Variants in TUBA8 observed in about 807,000 individuals in gnomAD.
TUBA8 encodes the protein tubulin alpha-8 chain.
In TUBA8, 29 loss-of-function variants were observed where a neutral mutation model predicts 34.7. That is an observed-to-expected ratio of 0.84 (90% CI 0.62 to 1.14). The LOEUF (loss-of-function observed/expected upper bound fraction) is 1.14, where lower values mean the gene tolerates loss of function less well. TUBA8 is among the 50% of genes most tolerant of loss of function. The probability of loss-of-function intolerance (pLI) is 0.00; values close to 1 mark genes in which losing one functional copy is unlikely to be tolerated. For synonymous variants in TUBA8, 226 were observed against 231.2 expected (o/e 0.98, Z 0.21); for missense variants, 541 against 599.2 (o/e 0.90, Z 1.01).
chr22:18,121,226 C>CTTTTTT lies in TUBA8; in HGVS notation c.4-252_4-247dup. ...TTGCTTCATCTTTGCAACCACCCTC[C>CTTTTTT]TTTTTTCTTTCCTGGTATAAAAGGT... On this transcript the variant is annotated intron_variant, in intron 1 of 4. Coordinates refer to ENST00000330423, the MANE Select transcript of TUBA8 (RefSeq NM_018943.3). This position sits in a 1 kb window ranked among gnomAD's most constrained non-coding sequence, Gnocchi z 4.8. 1 of 502,206 alleles carries CTTTTTT rather than the reference C, an allele frequency of 2.0e-6. No individual in the cohort carries two copies. The allele number at this position is 502,206 out of a possible 1,614,324, so 31.1% of individuals were successfully genotyped here. A position where few individuals can be genotyped will look rare whatever the true frequency, so the allele number is the denominator to read the frequency against.
chr22:18,111,015 C>A lies in TUBA8; in HGVS notation c.3+147C>A. ...GGTGGCAGTTCAGGGTCGAGGAGTC[C>A]GCACCCTCGGGCGGGAACACCCGGT... On this transcript the variant is annotated intron_variant, in intron 1 of 4. Coordinates refer to ENST00000330423, the MANE Select transcript of TUBA8 (RefSeq NM_018943.3). The surrounding 1 kb of genome is among the most constrained non-coding windows in gnomAD (Gnocchi z 5.1). The A allele has an allele frequency of 8.0e-7, 1 of 1,244,552 alleles. No homozygotes were observed. The highest frequency in any genetic ancestry group is 1.1e-6 in the Non-Finnish European group (1 of 889,476). 77.1% of individuals were successfully genotyped at this position (1,244,552 alleles called of 1,614,324 possible).
chr22:18,125,874 A>C (rs1928297996), intron 3 of TUBA8: 1 of 182,040 alleles, frequency 5.5e-6, no homozygotes, highest in Admixed American at 5.4e-5. Context: ...CCTATTAAAA[A>C]AAATAGAGAC....
At chr22:18,122,249 T>C (rs1928170701) in intron 2 of TUBA8, 1 of 155,732 alleles carries the variant, frequency 6.4e-6, no homozygotes, top group Non-Finnish European at 1.4e-5. Context: ...GTAGTGCCAC[T>C]TCCCCTGTTT....
At position 18,126,869 on chromosome 22, in the gene TUBA8, G is replaced by T. The variant is rs1569201053; in HGVS notation, c.891G>T (p.Glu297Asp). ...CCGAGATAACCAGCTCCTGCTTTGAGCCCAACAGCCAGATGGTGAAGTGCG... is the reference window on the plus strand; with the variant it reads ...CCGAGATAACCAGCTCCTGCTTTGATCCCAACAGCCAGATGGTGAAGTGCG... ...SVAEITSSCF[E>D]PNSQMVKCDP... is the part of the protein sequence containing the mutation. The change falls in exon 4 of 5, where the codon GAG becomes GAT. Residue 297 changes from glutamate to aspartate, a missense_variant. By Grantham distance (45) the Glu-to-Asp change is conservative. Transcript: ENST00000330423. The surrounding 1 kb of genome is among the most constrained non-coding windows in gnomAD (Gnocchi z 4.0). 6.2e-7 allele frequency: 1 copy of T among 1,611,918 alleles called. No individual in the cohort carries two copies.
At position 18,126,967 on chromosome 22, in the gene TUBA8, T is replaced by G. The variant is rs570863652; in HGVS notation, c.989T>G (p.Val330Gly). The change falls in exon 4 of 5, where the codon GTC becomes GGC. Residue 330 changes from valine (V) to glycine (G), a missense_variant. By Grantham distance (109) the Val-to-Gly change is moderately radical. Coordinates refer to ENST00000330423, the MANE Select transcript of TUBA8 (RefSeq NM_018943.3). This position sits in a 1 kb window ranked among gnomAD's most constrained non-coding sequence, Gnocchi z 4.0. ...RGDVVPKDVN[V>G]AIAAIKTKRT... ...GACGTGGTGCCCAAGGATGTGAATGTCGCTATTGCTGCCATCAAGACCAAG... is the reference window on the plus strand; with the variant it reads ...GACGTGGTGCCCAAGGATGTGAATGGCGCTATTGCTGCCATCAAGACCAAG... 3.1e-6 allele frequency: 5 copies of G among 1,613,664 alleles called. No homozygotes were observed. In the South Asian group the frequency reaches 5.5e-5, roughly 18 times the overall value.
At chr22:18,128,382 G>A (rs1265864645) in intron 4 of TUBA8, 1 of 152,110 alleles carries the variant, frequency 6.6e-6, no homozygotes, top group Non-Finnish European at 1.5e-5. Context: ...AATGCTGAAT[G>A]GTAGAAGTCA....
chr22:18,126,550 C>A lies in TUBA8; in HGVS notation c.572C>A (p.Thr191Asn). ...VVEPYNSILTTHTTLEHSDCA... is the reference protein window; with the variant it reads ...VVEPYNSILTNHTTLEHSDCA... Reference sequence around the variant, plus strand: ...GAGCCCTACAACTCCATCCTGACCACCCACACCACACTGGAACATTCAGAT... The same window carrying A: ...GAGCCCTACAACTCCATCCTGACCAACCACACCACACTGGAACATTCAGAT... Residue 191 changes from threonine (T) to asparagine (N), a missense_variant, in exon 4 of 5, where the codon ACC (threonine) becomes AAC (asparagine). Thr to Asn is a moderately conservative substitution (Grantham distance 65, BLOSUM62 0). Coordinates refer to ENST00000330423, the MANE Select transcript of TUBA8 (RefSeq NM_018943.3). The surrounding 1 kb of genome is among the most constrained non-coding windows in gnomAD (Gnocchi z 4.0). The A allele has an allele frequency of 1.2e-6, 2 of 1,614,170 alleles. No individual in the cohort carries two copies. The highest frequency in any genetic ancestry group is 2.2e-5 in the South Asian group (2 of 91,070).
chr22:18,131,007 G>A lies in TUBA8; in HGVS notation c.1221G>A (p.Trp407Ter), dbSNP rs1387252231. The change falls in exon 5 of 5, where the codon TGG becomes TGA. Residue 407 changes from tryptophan (W) to a stop codon, truncating the protein, a stop_gained. Transcript: ENST00000330423. LOFTEE classifies it high-confidence loss of function. This position sits in a 1 kb window ranked among gnomAD's most constrained non-coding sequence, Gnocchi z 5.3. Reference protein sequence around the residue: ...LMYAKRAFVHWYVGEGMEEGE... With the variant: ...LMYAKRAFVH ...ACGCCAAGCGGGCCTTTGTGCATTG[G>A]TATGTGGGAGAGGGGATGGAAGAAG... 6.2e-7 allele frequency: 1 copy of A among 1,614,218 alleles called. No individual in the cohort carries two copies. Among genetic ancestry groups the A allele is most frequent in the South Asian group, 1.1e-5 (1 of 91,088 alleles).
At position 18,123,990 on chromosome 22, in the gene TUBA8, C is replaced by A. The variant is rs927986668; in HGVS notation, c.227-166C>A. On this transcript the variant is annotated intron_variant, in intron 2 of 4. Coordinates refer to ENST00000330423, the MANE Select transcript of TUBA8 (RefSeq NM_018943.3). Reference sequence around the variant, plus strand: ...TGGCTCTGTTAGTCCCTGAGCTACCCGGGAATTCTCTTAGCCTTTTGCAGA... The same window carrying A: ...TGGCTCTGTTAGTCCCTGAGCTACCAGGGAATTCTCTTAGCCTTTTGCAGA... The A allele has an allele frequency of 1.2e-5, 10 of 812,428 alleles. No individual in the cohort carries two copies. The African/African-American group carries it at 1.5e-4, about 12-fold the overall frequency. 50.3% of individuals were successfully genotyped at this position (812,428 alleles called of 1,614,324 possible). A position where few individuals can be genotyped will look rare whatever the true frequency, so the allele number is the denominator to read the frequency against.
intron 4 of TUBA8, chr22:18,130,627 C>A: frequency 1.7e-6 from 1 of 595,738 alleles, no homozygotes; most frequent in Non-Finnish European, 2.9e-6. Context: ...GGTTTTTGCT[C>A]TGTTGCCCTG....
At position 18,126,718 on chromosome 22, in the gene TUBA8, C is replaced by A; in HGVS notation, c.740C>A (p.Ala247Asp). The A allele has an allele frequency of 6.2e-7, 1 of 1,614,150 alleles. No homozygotes were observed. The highest frequency in any genetic ancestry group is 8.5e-7 in the Non-Finnish European group (1 of 1,180,026). Reference sequence around the variant, plus strand: ...ACTGCTTCTCTCCGCTTTGACGGGGCCCTCAATGTGGACCTCACTGAGTTC... The same window carrying A: ...ACTGCTTCTCTCCGCTTTGACGGGGACCTCAATGTGGACCTCACTGAGTTC... ...SITASLRFDG[A>D]LNVDLTEFQT... The change falls in exon 4 of 5, where the codon GCC becomes GAC. Residue 247 changes from alanine to aspartate, a missense_variant. By Grantham distance (126) the Ala-to-Asp change is moderately radical (BLOSUM62 -2). Coordinates refer to ENST00000330423, the MANE Select transcript of TUBA8 (RefSeq NM_018943.3). The surrounding 1 kb of genome is among the most constrained non-coding windows in gnomAD (Gnocchi z 4.0).
Position 18,131,228 on chromosome 22 carries a change from C to A in TUBA8, c.*92C>A. On this transcript the variant is annotated 3_prime_UTR_variant, in exon 5 of 5. Transcript: ENST00000330423. The surrounding 1 kb of genome is among the most constrained non-coding windows in gnomAD (Gnocchi z 5.3). Reference sequence around the variant, plus strand: ...GAACAGAACACTCTCCCCGCCCCAGCCTGATTCCTGCCTTACCCAGGAGGA... The same window carrying A: ...GAACAGAACACTCTCCCCGCCCCAGACTGATTCCTGCCTTACCCAGGAGGA... The A allele has an allele frequency of 7.1e-7, 1 of 1,413,814 alleles. No homozygotes were observed. The highest frequency in any genetic ancestry group is 9.9e-7 in the Non-Finnish European group (1 of 1,014,094). The allele number at this position is 1,413,814 out of a possible 1,614,324, so 87.6% of individuals were successfully genotyped here.
chr22:18,111,215 G>T lies in TUBA8; in HGVS notation c.3+347G>T. On this transcript the variant is annotated intron_variant, in intron 1 of 4. Coordinates refer to ENST00000330423, the MANE Select transcript of TUBA8 (RefSeq NM_018943.3). This position sits in a 1 kb window ranked among gnomAD's most constrained non-coding sequence, Gnocchi z 5.1. ...CTGTGGACAGAGTGGAGAGAAGGGC[G>T]AGTCCGGGGATTCTGGATGGGTGGT... 1 of 420,358 alleles carries T rather than the reference G, an allele frequency of 2.4e-6. No individual in the cohort carries two copies. The highest frequency in any genetic ancestry group is 4.3e-6 in the Non-Finnish European group (1 of 234,856). The allele number at this position is 420,358 out of a possible 1,614,324, so 26.0% of individuals were successfully genotyped here.
intron 4 of TUBA8, 151 bp from the exon 5 acceptor site, chr22:18,130,692 C>T: frequency 5.1e-6 from 5 of 976,128 alleles, no homozygotes; most frequent in African/African-American, 1.6e-5. Context: ...CTTCCCCAGT[C>T]CCATCCCGCC....
chr22:18,130,557 G>A (rs954215484), intron 4 of TUBA8: 79 of 487,998 alleles, frequency 1.6e-4, no homozygotes, highest in Non-Finnish European at 2.8e-4. Context: ...CTGAGTAGCT[G>A]GGACTAGTAG....
chr22:18,114,419 C>T (rs1927903944), intron 1 of TUBA8: 1 of 152,268 alleles, frequency 6.6e-6, no homozygotes, highest in Non-Finnish European at 1.5e-5. Context: ...GAGCCACCTT[C>T]ACTCGCTAAA....
chr22:18,117,668 G>T (rs1928012148), intron 1 of TUBA8: 1 of 151,844 alleles, frequency 6.6e-6, no homozygotes, highest in Admixed American at 6.6e-5. Flanking sequence ...CCAGCTACCT[G>T]GGAGGCTGAG....
chr22:18,127,233 A>T (rs1456354080), intron 4 of TUBA8, 199 bp downstream of exon 4: 4 of 597,608 alleles, frequency 6.7e-6, no homozygotes, highest in African/African-American at 5.6e-5. Context: ...AGGCCATTTT[A>T]GAAAAGTTTG....
In TUBA8 at chr22:18,121,013, A is replaced by C. The variant is rs530400184; in HGVS notation, c.4-466A>C. On this transcript the variant is annotated intron_variant, in intron 1 of 4. Coordinates refer to ENST00000330423, the MANE Select transcript of TUBA8 (RefSeq NM_018943.3). This position sits in a 1 kb window ranked among gnomAD's most constrained non-coding sequence, Gnocchi z 4.8. ...GAGCATGTTCCTTTCATGAGTGCTC[A>C]TTTGCTCTGTGATATCCTGAGACTG... 1 of 190,230 alleles carries C rather than the reference A, an allele frequency of 5.3e-6. No homozygotes were observed. Among genetic ancestry groups the C allele is most frequent in the South Asian group, 1.1e-4 (1 of 8,900 alleles). 11.8% of individuals were successfully genotyped at this position (190,230 alleles called of 1,614,324 possible).
Sources: allele counts gnomAD v4.1 joint callset, GRCh38; gene constraint gnomAD v4.1.1; non-coding constraint Gnocchi (gnomAD v3.1); transcripts MANE v1.5; gene names NCBI Gene and HGNC (gene_info 2026-07-23, HGNC 2026-07-21).